LEKR1: variants seen among roughly 807,000 people sequenced by gnomAD.
The protein encoded by LEKR1 is protein LEKR1.
Under a neutral mutation model 72.4 loss-of-function variants are expected in LEKR1, and 59 were observed. The ratio of observed to expected loss-of-function variants is 0.82; its 90% CI spans 0.66 to 1.01. The LOEUF (loss-of-function observed/expected upper bound fraction) is 1.01. Among genes scored for constraint, LEKR1 ranks in the 50% least tolerant of loss-of-function variants. LEKR1 has a pLI of 0.00. For missense variants in LEKR1, 728 were observed against 759.2 expected (o/e 0.96, Z 0.48); for synonymous variants, 257 against 263.2 (o/e 0.98, Z 0.23).
At chr3:156,887,796 AT>A (rs1029744373) in intron 3 of LEKR1, among the ~76,000 whole-genome samples, 21 of 152,114 alleles carry the variant, frequency 1.4e-4, no homozygotes, top group Admixed American at 4.6e-4. Context: ...TCCCCCAACC[AT>A]TTGATTAACA....
chr3:156,939,485 T>C (rs986619872), intron 5 of LEKR1, among the ~76,000 whole-genome samples: 2 of 152,244 alleles, frequency 1.3e-5, no homozygotes, highest in Admixed American at 1.3e-4. Context: ...ATAAATGTAG[T>C]AAACCCCATA....
intron 6 of LEKR1, among the ~76,000 whole-genome samples, chr3:156,947,028 G>A (rs1726745252): frequency 6.7e-6 from 1 of 150,132 alleles, no homozygotes; most frequent in African/African-American, 2.4e-5. Context: ...TTTATTAGTT[G>A]GGTTAAAGGT....
chr3:156,857,767 G>A (rs1218619427), intron 3 of LEKR1, among the ~76,000 whole-genome samples: 1 of 152,168 alleles, frequency 6.6e-6, no homozygotes. Context: ...GAAGAGCATT[G>A]TTCTTTTGAA....
chr3:156,930,019 TGAAAG>T (rs1725061157), intron 5 of LEKR1, among the ~76,000 whole-genome samples: 1 of 152,124 alleles, frequency 6.6e-6, no homozygotes, highest in South Asian at 2.1e-4. Flanking sequence ...GAAAGGAAGA[TGAAAG>T]GAGTGAAGTG....
At chr3:157,020,322 C>T (rs902129249) in intron 10 of LEKR1, among the ~76,000 whole-genome samples, 1 of 146,188 alleles carries the variant, frequency 6.8e-6, no homozygotes, top group African/African-American at 2.5e-5. Flanking sequence ...TACATGTGCA[C>T]AATGTGCAGG....
At chr3:156,926,511 A>G (rs745590104) in intron 4 of LEKR1, among the ~76,000 whole-genome samples, 1 of 151,968 alleles carries the variant, frequency 6.6e-6, no homozygotes, top group Non-Finnish European at 1.5e-5. Context: ...TTCTGACATT[A>G]TTCTTTTGGC....
At chr3:156,845,522 G>T in intron 2 of LEKR1, among the ~76,000 whole-genome samples, 1 of 150,436 alleles carries the variant, frequency 6.6e-6, no homozygotes, top group Non-Finnish European at 1.5e-5. Context: ...TGAGGTTTAG[G>T]TTGAGGTTCC....
rs543579722 is a variant in LEKR1 at position 156,899,519 on chromosome 3, C to T, written c.264-21056C>T. On this transcript the variant is annotated intron_variant, in intron 3 of 12. Coordinates refer to ENST00000356539, the MANE Select transcript of LEKR1 (RefSeq NM_001004316.3). ...ACATATATACATGTATATATACATACATACATATATACACATATATACATA... is the reference window on the plus strand; with the variant it reads ...ACATATATACATGTATATATACATATATACATATATACACATATATACATA... Among the ~76,000 whole-genome samples the T allele has an allele frequency of 2.6e-3, 224 of 85,910 alleles. 8 individuals are homozygous for T. The highest frequency in any genetic ancestry group is 0.014 in the African/African-American group (214 of 15,388). 56.4% of individuals were successfully genotyped at this position (85,910 alleles called of 152,430 possible). A position where few individuals can be genotyped will look rare whatever the true frequency, so the allele number is the denominator to read the frequency against.
chr3:156,956,967 A>G (rs1277558279), intron 6 of LEKR1, among the ~76,000 whole-genome samples: 1 of 152,024 alleles, frequency 6.6e-6, no homozygotes, highest in Non-Finnish European at 1.5e-5. Context: ...AATTAGTACA[A>G]AGACTTTAAT....
At chr3:157,038,952 T>C (rs1160217138) in intron 12 of LEKR1, among the ~76,000 whole-genome samples, 1 of 152,238 alleles carries the variant, frequency 6.6e-6, no homozygotes, top group Non-Finnish European at 1.5e-5. Context: ...TTTTTTTCTT[T>C]TCAGAGCTTT....
intron 12 of LEKR1, among the ~76,000 whole-genome samples, chr3:157,035,342 C>G (rs1031487853): frequency 6.6e-6 from 1 of 152,152 alleles, no homozygotes; most frequent in African/African-American, 2.4e-5. Context: ...CCAAACAGAT[C>G]ATCAGAGATG....
chr3:156,849,517 G>A (rs1576658163), intron 2 of LEKR1, among the ~76,000 whole-genome samples: 1 of 151,658 alleles, frequency 6.6e-6, no homozygotes, highest in Admixed American at 6.6e-5. Flanking sequence ...ATACTACAAG[G>A]CTACAGTAAC....
chr3:156,895,469 G>A (rs747693989), intron 3 of LEKR1, among the ~76,000 whole-genome samples: 7 of 152,042 alleles, frequency 4.6e-5, no homozygotes, highest in Non-Finnish European at 7.4e-5. Flanking sequence ...ACAAAAATTA[G>A]GCATGGTGGC....
chr3:157,031,003 T>C (rs961973307), intron 12 of LEKR1, among the ~76,000 whole-genome samples: 1 of 152,150 alleles, frequency 6.6e-6, no homozygotes, highest in African/African-American at 2.4e-5. Flanking sequence ...TTCTGCTGTA[T>C]TCCATTTATT....
At chr3:156,835,824 C>T (rs374797372) in intron 2 of LEKR1, among the ~76,000 whole-genome samples, 1 of 150,214 alleles carries the variant, frequency 6.7e-6, no homozygotes, top group Non-Finnish European at 1.5e-5. Context: ...TTCCTCGCTC[C>T]CTCCCTCTCT....
intron 6 of LEKR1, among the ~76,000 whole-genome samples, chr3:156,949,420 T>A (rs944041642): frequency 6.6e-6 from 1 of 151,414 alleles, no homozygotes; most frequent in Non-Finnish European, 1.5e-5. Flanking sequence ...GAATAGGGAG[T>A]CTTTTTCCAT....
chr3:156,867,309 C>T (rs1357888951), intron 3 of LEKR1, among the ~76,000 whole-genome samples: 1 of 152,022 alleles, frequency 6.6e-6, no homozygotes, highest in Non-Finnish European at 1.5e-5. Context: ...AGTAATTATT[C>T]TTGAACAATA....
At chr3:157,032,057 A>AGGAG (rs1401650648) in intron 12 of LEKR1, among the ~76,000 whole-genome samples, 3 of 151,784 alleles carry the variant, frequency 2.0e-5, no homozygotes, top group East Asian at 3.9e-4. Flanking sequence ...AAGATTGGAA[A>AGGAG]GGAGGGAGGG....
intron 3 of LEKR1, among the ~76,000 whole-genome samples, chr3:156,856,567 G>A (rs62275164): frequency 0.032 from 4,838 of 152,004 alleles, 115 homozygotes; most frequent in Non-Finnish European, 0.048. Flanking sequence ...TAATCTTAAG[G>A]CTTCTTATCC....
Sources: allele counts gnomAD v4.1 joint callset (sites outside exome capture counted in the v4.1 genomes callset), GRCh38; gene constraint gnomAD v4.1.1; transcripts MANE v1.5; gene names NCBI Gene and HGNC (gene_info 2026-07-23, HGNC 2026-07-21).